Variants in POU6F2 observed in about 807,000 individuals in gnomAD.
POU6F2 encodes the protein POU class 6 homeobox 2.
A neutral mutation model predicts 71.3 loss-of-function variants in POU6F2; 31 were observed. The ratio of observed to expected loss-of-function variants is 0.43; its 90% CI spans 0.33 to 0.59. POU6F2 has a LOEUF of 0.59. POU6F2 is among the 20% of genes least tolerant of loss of function. The pLI, the probability that POU6F2 is intolerant of heterozygous loss-of-function variation, is 0.04. For synonymous variants in POU6F2, 347 were observed against 355.7 expected (o/e 0.98, Z 0.27); for missense variants, 783 against 856.8 (o/e 0.91, Z 1.07).
chr7:39,386,803 G>A (rs1258836956), intron 5 of POU6F2, among the ~76,000 whole-genome samples: 1 of 152,176 alleles, frequency 6.6e-6, no homozygotes, highest in Non-Finnish European at 1.5e-5. Context: ...TCCCTAGATA[G>A]GTGGTTGCCT....
At chr7:39,431,655 A>G (rs1788105328) in intron 6 of POU6F2, among the ~76,000 whole-genome samples, 1 of 152,194 alleles carries the variant, frequency 6.6e-6, no homozygotes, top group Admixed American at 6.5e-5. Flanking sequence ...ACGTGGGGTC[A>G]GCCAGACCTG....
intron 2 of POU6F2, among the ~76,000 whole-genome samples, chr7:39,176,928 A>T (rs2128740396): frequency 6.6e-6 from 1 of 152,302 alleles, no homozygotes; most frequent in East Asian, 1.9e-4. Flanking sequence ...GAAGGAATGG[A>T]CCTTATTTAG....
chr7:39,301,249 A>C (rs1784943453), intron 4 of POU6F2, among the ~76,000 whole-genome samples: 1 of 152,146 alleles, frequency 6.6e-6, no homozygotes, highest in Admixed American at 6.6e-5. Context: ...AAATGATGAG[A>C]TCTTCCCAGT....
At chr7:39,262,958 G>A (rs757130779) in intron 4 of POU6F2, among the ~76,000 whole-genome samples, 4 of 152,072 alleles carry the variant, frequency 2.6e-5, no homozygotes, top group African/African-American at 9.7e-5. Context: ...GAAAACAGAC[G>A]GGTTTCCTAA....
intron 1 of POU6F2, among the ~76,000 whole-genome samples, chr7:38,985,501 G>A (rs1350654160): frequency 1.3e-5 from 2 of 152,092 alleles, no homozygotes; most frequent in East Asian, 1.9e-4. Flanking sequence ...TCCGAATCGG[G>A]AAACTTAATC....
intron 1 of POU6F2, among the ~76,000 whole-genome samples, chr7:39,009,775 G>T (rs1482768761): frequency 6.6e-6 from 1 of 151,304 alleles, no homozygotes; most frequent in Non-Finnish European, 1.5e-5. Flanking sequence ...CATCTATTGA[G>T]ATAATCATGT....
intron 4 of POU6F2, among the ~76,000 whole-genome samples, chr7:39,284,395 G>A (rs1342193748): frequency 2.6e-5 from 4 of 152,206 alleles, no homozygotes; most frequent in Non-Finnish European, 5.9e-5. Flanking sequence ...ATTTGGTGGG[G>A]TTTGAAAAGG....
intron 4 of POU6F2, among the ~76,000 whole-genome samples, chr7:39,287,536 A>C (rs1467296625): frequency 6.6e-6 from 1 of 152,198 alleles, no homozygotes; most frequent in Non-Finnish European, 1.5e-5. Context: ...AAATGTGTTC[A>C]TGTATGCAGA....
chr7:39,027,236 A>G (rs1013668786), intron 1 of POU6F2, among the ~76,000 whole-genome samples: 7 of 152,158 alleles, frequency 4.6e-5, no homozygotes, highest in African/African-American at 1.7e-4. Flanking sequence ...GCTTCTTTCA[A>G]ATACATTGGG....
intron 4 of POU6F2, among the ~76,000 whole-genome samples, chr7:39,244,964 G>A (rs183668837): frequency 1.1e-3 from 162 of 152,266 alleles, no homozygotes; most frequent in African/African-American, 3.6e-3. Context: ...TATTTCCAGA[G>A]GGATATGAGA....
chr7:39,151,112 C>A (rs1309862637), intron 2 of POU6F2, among the ~76,000 whole-genome samples: 1 of 151,976 alleles, frequency 6.6e-6, no homozygotes, highest in Non-Finnish European at 1.5e-5. Context: ...AAGTTTTCAT[C>A]GTGATTCCAA....
rs1402827202 is a variant in POU6F2, at chr7:39,074,518, CTTCTT to C, written c.106-11339_106-11335del. Among the ~76,000 whole-genome samples, 4 of 151,994 alleles carry C rather than the reference CTTCTT, an allele frequency of 2.6e-5. No homozygotes were observed. In the East Asian group the frequency reaches 7.7e-4, roughly 29 times the overall value. On this transcript the variant is annotated intron_variant, in intron 1 of 9. Transcript: ENST00000518318. ...AAATCTAAATTTAAAAAATGTCTTT[CTTCTT>C]TTATCTTTTATAGATATCAATTCTT... is the stretch of plus-strand genomic sequence containing the variant.
At chr7:39,008,914 T>C (rs1331589678) in intron 1 of POU6F2, among the ~76,000 whole-genome samples, 1 of 150,638 alleles carries the variant, frequency 6.6e-6, no homozygotes, top group Non-Finnish European at 1.5e-5. Flanking sequence ...CATGCTGTTT[T>C]GGTTACTGTA....
intron 1 of POU6F2, among the ~76,000 whole-genome samples, chr7:39,066,452 G>C (rs1790754487): frequency 6.6e-6 from 1 of 151,666 alleles, no homozygotes; most frequent in Admixed American, 6.6e-5. Flanking sequence ...ATATATATGT[G>C]TACAGTCCTA....
chr7:38,999,127 G>C (rs2128698931), intron 1 of POU6F2, among the ~76,000 whole-genome samples: 1 of 152,252 alleles, frequency 6.6e-6, no homozygotes, highest in South Asian at 2.1e-4. Context: ...TTTTGGGATA[G>C]ATCCTAATAG....
intron 7 of POU6F2, among the ~76,000 whole-genome samples, chr7:39,439,260 A>G (rs1482966141): frequency 2.6e-5 from 4 of 151,924 alleles, no homozygotes; most frequent in Non-Finnish European, 5.9e-5. Flanking sequence ...GTCTTTGCAC[A>G]TGAGATGGGT....
In POU6F2 at chr7:39,051,569, A is replaced by G. The variant is rs1051215742; in HGVS notation, c.106-34291A>G. ...ACATTAATCTTGAGTATGAAAAGCC[A>G]AAGCTCTAGGTGTAGGAATTGAACA... On this transcript the variant is annotated intron_variant, in intron 1 of 9. Transcript: ENST00000518318. 4.6e-5 allele frequency among the ~76,000 whole-genome samples: 7 copies of G among 152,266 alleles called. No individual in the cohort carries two copies. The South Asian group carries it at 8.3e-4, about 18-fold the overall frequency.
chr7:39,074,960 A>T (rs561334253), intron 1 of POU6F2, among the ~76,000 whole-genome samples: 35 of 152,104 alleles, frequency 2.3e-4, no homozygotes, highest in Non-Finnish European at 4.6e-4. Flanking sequence ...TCTCGGGAAA[A>T]TGAAGGCTCA....
At chr7:39,077,136 C>A (rs1360762515) in intron 1 of POU6F2, among the ~76,000 whole-genome samples, 1 of 152,198 alleles carries the variant, frequency 6.6e-6, no homozygotes, top group African/African-American at 2.4e-5. Flanking sequence ...TGCTGTATAA[C>A]CCCATTACCA....
Sources: allele counts gnomAD v4.1 joint callset (sites outside exome capture counted in the v4.1 genomes callset), GRCh38; gene constraint gnomAD v4.1.1; transcripts MANE v1.5; gene names NCBI Gene and HGNC (gene_info 2026-07-23, HGNC 2026-07-21).